Variants in KAZN observed in about 807,000 individuals in gnomAD.
The protein encoded by KAZN is kazrin, periplakin interacting protein.
KAZN carries 40 observed loss-of-function variants against 87.4 expected under a neutral mutation model. The ratio of observed to expected loss-of-function variants is 0.46; its 90% confidence interval spans 0.36 to 0.60. The LOEUF is 0.60. Ranked by LOEUF, KAZN falls within the 20% of genes least tolerant of loss-of-function variation. The pLI is 0.00. For missense variants in KAZN, 898 were observed against 1,073.9 expected, an observed-to-expected ratio of 0.84 and a Z score of 2.29; for synonymous variants, 466 against 458.3, an observed-to-expected ratio of 1.02 and a Z score of -0.22.
At chr1:14,021,781 A>C (rs1025385515) in intron 1 of KAZN, among the ~76,000 whole-genome samples, 1 of 152,152 alleles carries the variant, frequency 6.6e-6, no homozygotes, top group Non-Finnish European at 1.5e-5. Flanking sequence ...TCACTTCTCA[A>C]GTATTGTAGG....
At position 15,066,348 on chromosome 1, in the gene KAZN, G is replaced by A; in HGVS notation, c.1222+595G>A. 1.2e-6 allele frequency: 1 copy of A among 858,936 alleles called. No individual in the cohort carries two copies. Among genetic ancestry groups the A allele is most frequent in the Non-Finnish European group, 1.4e-6 (1 of 722,702 alleles). 53.2% of individuals were successfully genotyped at this position (858,936 alleles called of 1,614,324 possible). A position where few individuals can be genotyped will look rare whatever the true frequency, so the allele number is the denominator to read the frequency against. On this transcript the variant is annotated intron_variant, in intron 8 of 14. Transcript: ENST00000376030. The surrounding 1 kb of genome is among the most constrained non-coding windows in gnomAD (Gnocchi z 4.3). ...TTGATGTCCCCCCTCCCGCCCCCCT[G>A]GTGTGAACGTGTGGGACCAGACCCT... is the stretch of plus-strand genomic sequence containing the variant.
At chr1:14,625,708 C>G (rs964352579) in intron 1 of KAZN, among the ~76,000 whole-genome samples, 7 of 152,198 alleles carry the variant, frequency 4.6e-5, no homozygotes, top group African/African-American at 1.7e-4. Flanking sequence ...AAAAGTCTCT[C>G]GATTCAGCAG....
intron 2 of KAZN, among the ~76,000 whole-genome samples, chr1:14,281,859 C>G (rs986594090): frequency 6.6e-6 from 1 of 152,148 alleles, no homozygotes; most frequent in South Asian, 2.1e-4. Context: ...ACAGTTTCCA[C>G]GAGGGTGACT....
intron 2 of KAZN, among the ~76,000 whole-genome samples, chr1:14,236,711 A>G (rs1199448262): frequency 6.6e-6 from 1 of 152,156 alleles, no homozygotes; most frequent in Non-Finnish European, 1.5e-5. Flanking sequence ...TGAGCCCAGG[A>G]GTTTGAGACC....
intron 1 of KAZN, among the ~76,000 whole-genome samples, chr1:14,642,366 C>CTCCA (rs1680471104): frequency 6.6e-6 from 1 of 152,186 alleles, no homozygotes; most frequent in Non-Finnish European, 1.5e-5. Context: ...CGCCACTGCA[C>CTCCA]TCCAGCCTGG....
At chr1:14,292,329 G>A (rs1389046232) in intron 2 of KAZN, among the ~76,000 whole-genome samples, 2 of 152,198 alleles carry the variant, frequency 1.3e-5, no homozygotes, top group East Asian at 1.9e-4. Flanking sequence ...CACAGAGAGG[G>A]AGAAATGAGA....
chr1:14,169,578 C>A (rs1160539), intron 1 of KAZN, among the ~76,000 whole-genome samples: 18,702 of 152,080 alleles, frequency 0.12, 1,275 homozygotes, highest in East Asian at 0.33. Flanking sequence ...CCAGTGAGCC[C>A]CCAATGCTAC....
intron 1 of KAZN, among the ~76,000 whole-genome samples, chr1:14,803,525 T>G (rs957925575): frequency 3.3e-5 from 5 of 152,206 alleles, no homozygotes; most frequent in African/African-American, 1.2e-4. Context: ...CATGCCAATG[T>G]TGCCTCCCAC....
chr1:15,038,269 A>G (rs1053426514), intron 3 of KAZN, among the ~76,000 whole-genome samples: 4 of 150,028 alleles, frequency 2.7e-5, no homozygotes, highest in African/African-American at 9.9e-5. Context: ...AAGAAAAGAA[A>G]GAAAAAAAAA....
intron 2 of KAZN, among the ~76,000 whole-genome samples, chr1:14,480,610 A>G (rs1387263829): frequency 7.1e-6 from 1 of 140,100 alleles, no homozygotes; most frequent in Non-Finnish European, 1.5e-5. Flanking sequence ...TATTTTATAT[A>G]ATGTATAAAA....
intron 1 of KAZN, among the ~76,000 whole-genome samples, chr1:14,171,614 A>G (rs1012640515): frequency 1.3e-5 from 2 of 152,180 alleles, no homozygotes; most frequent in East Asian, 1.9e-4. Flanking sequence ...ACGAAAGCAA[A>G]GGTTGTTTAA....
At chr1:14,302,700 G>A (rs902202139) in intron 2 of KAZN, among the ~76,000 whole-genome samples, 28 of 152,172 alleles carry the variant, frequency 1.8e-4, no homozygotes, top group Admixed American at 2.6e-4. Context: ...TTTCAAAACA[G>A]TCTATGATCT....
intron 1 of KAZN, among the ~76,000 whole-genome samples, chr1:13,947,900 C>T (rs1212832464): frequency 6.6e-6 from 1 of 152,196 alleles, no homozygotes; most frequent in East Asian, 1.9e-4. Flanking sequence ...AAGACCTTAT[C>T]TCCAAACACA....
At chr1:15,038,442 A>T (rs1476325122) in intron 3 of KAZN, among the ~76,000 whole-genome samples, 1 of 152,166 alleles carries the variant, frequency 6.6e-6, no homozygotes, top group African/African-American at 2.4e-5. Context: ...TTGTGCACCT[A>T]CTGTATACAG....
At chr1:15,013,623 G>GT (rs1180037152) in intron 2 of KAZN, among the ~76,000 whole-genome samples, 1 of 151,614 alleles carries the variant, frequency 6.6e-6, no homozygotes, top group African/African-American at 2.4e-5. Context: ...GGGCTTGGTG[G>GT]TGGGCGCCTG....
intron 1 of KAZN, among the ~76,000 whole-genome samples, chr1:14,673,017 T>C (rs1640003725): frequency 1.3e-5 from 2 of 152,234 alleles, no homozygotes; most frequent in Admixed American, 6.5e-5. Context: ...TTTGGAAAGA[T>C]GTAGGCTTAT....
chr1:14,779,213 A>AACATCC (rs1443532110), intron 1 of KAZN, among the ~76,000 whole-genome samples: 8 of 152,198 alleles, frequency 5.3e-5, no homozygotes, highest in Non-Finnish European at 1.0e-4. Context: ...GAGAATGGGA[A>AACATCC]ACATCCTTGC....
intron 2 of KAZN, among the ~76,000 whole-genome samples, chr1:14,406,555 G>C (rs952461202): frequency 2.6e-5 from 4 of 152,074 alleles, no homozygotes; most frequent in African/African-American, 9.7e-5. Context: ...GGATGGGAGG[G>C]GGGTGAGGGA....
Position 14,326,907 on chromosome 1 carries a change from C to T in KAZN, c.249+146315C>T, listed in dbSNP as rs140038673. 1.7e-4 allele frequency among the ~76,000 whole-genome samples: 26 copies of T among 152,238 alleles called. No individual in the cohort carries two copies. In the East Asian group the frequency reaches 5.0e-3, roughly 29 times the overall value. On this transcript the variant is annotated intron_variant, in intron 2 of 16. Transcript: ENST00000636203. The stretch of plus-strand genomic sequence containing the variant: ...TTCCCCCATGTTGCCTGTCTCCCTC[C>T]CCCATCCTGCTTTATAGCCTCTGGT...
Sources: gnomAD v4.1 joint callset for allele counts (sites outside exome capture counted in the v4.1 genomes callset) on GRCh38, gnomAD v4.1.1 for gene constraint, Gnocchi (gnomAD v3.1) non-coding constraint, MANE v1.5 for transcripts, NCBI Gene and HGNC (gene_info 2026-07-23, HGNC 2026-07-21) for gene names.